SLC25A13: variants seen among roughly 807,000 people sequenced by gnomAD.
The protein encoded by SLC25A13 is solute carrier family 25 member 13.
In SLC25A13, 70 loss-of-function variants were observed where a neutral mutation model predicts 85.5. The ratio of observed to expected loss-of-function variants is 0.82; its 90% CI spans 0.68 to 1.00. The LOEUF (loss-of-function observed/expected upper bound fraction) is 1.00. Among genes scored for constraint, SLC25A13 ranks in the 50% least tolerant of loss-of-function variants. The pLI is 0.00. For synonymous variants in SLC25A13, 259 were observed against 288.7 expected (o/e 0.90, Z 1.04); for missense variants, 765 against 819.8 (o/e 0.93, Z 0.82).
chr7:96,307,347 T>G (rs915889734), intron 1 of SLC25A13, among the ~76,000 whole-genome samples: 2 of 152,158 alleles, frequency 1.3e-5, no homozygotes, highest in African/African-American at 4.8e-5. Context: ...GAAGAAATCT[T>G]GTTTAGAGAT....
intron 3 of SLC25A13, among the ~76,000 whole-genome samples, chr7:96,246,514 G>T (rs960335458): frequency 2.0e-5 from 3 of 151,984 alleles, no homozygotes; most frequent in Admixed American, 1.3e-4. Context: ...TGCATCTGCC[G>T]TTGATCAATT....
chr7:96,213,563 T>C (rs1230847952), intron 4 of SLC25A13, among the ~76,000 whole-genome samples: 1 of 152,094 alleles, frequency 6.6e-6, no homozygotes, highest in Non-Finnish European at 1.5e-5. Flanking sequence ...ACCCGTACCA[T>C]TCCCTGACCA....
Position 96,290,541 on chromosome 7 carries a change from CAG to C in SLC25A13, c.69+6355_69+6356del, listed in dbSNP as rs1310971804. On this transcript the variant is annotated intron_variant, in intron 2 of 17. Coordinates refer to ENST00000265631, the MANE Select transcript of SLC25A13 (RefSeq NM_014251.3). ...GTATTCAGCAAACCCATCTCACGTG[CAG>C]AGACACACATAGGCTCAAAATAAAG... Among the ~76,000 whole-genome samples, 5 of 149,018 alleles carry C rather than the reference CAG, an allele frequency of 3.4e-5. No individual in the cohort carries two copies. The East Asian group carries it at 9.8e-4, about 29-fold the overall frequency.
At chr7:96,168,453 A>G (rs1793863096) in intron 13 of SLC25A13, among the ~76,000 whole-genome samples, 2 of 152,190 alleles carry the variant, frequency 1.3e-5, no homozygotes, top group African/African-American at 4.8e-5. Context: ...TTACATAACT[A>G]GGCACCACTT....
intron 4 of SLC25A13, among the ~76,000 whole-genome samples, chr7:96,227,601 A>AT (rs1177266649): frequency 3.3e-5 from 5 of 152,202 alleles, no homozygotes; most frequent in African/African-American, 1.2e-4. Flanking sequence ...AGAATGGAGC[A>AT]TTCAGATACA....
At chr7:96,182,956 G>A (rs751640512) in intron 11 of SLC25A13, among the ~76,000 whole-genome samples, 5 of 152,102 alleles carry the variant, frequency 3.3e-5, no homozygotes, top group African/African-American at 7.2e-5. Context: ...CAGGTAAGGC[G>A]GCCAATTTTG....
chr7:96,309,180 C>G (rs1343900676), intron 1 of SLC25A13, among the ~76,000 whole-genome samples: 1 of 152,152 alleles, frequency 6.6e-6, no homozygotes, highest in Admixed American at 6.5e-5. Context: ...ATCTGATGAC[C>G]CAGGGTACTA....
intron 1 of SLC25A13, among the ~76,000 whole-genome samples, chr7:96,299,229 G>C (rs1799462549): frequency 6.6e-6 from 1 of 152,126 alleles, no homozygotes; most frequent in Non-Finnish European, 1.5e-5. Context: ...TAAGGATCCT[G>C]AAATGTATAT....
At chr7:96,123,450 A>C (rs952185842) in intron 15 of SLC25A13, among the ~76,000 whole-genome samples, 6 of 152,214 alleles carry the variant, frequency 3.9e-5, no homozygotes, top group African/African-American at 1.2e-4. Context: ...AAGACATACA[A>C]GCAATAAAAT....
intron 5 of SLC25A13, among the ~76,000 whole-genome samples, chr7:96,197,768 T>A (rs1263947143): frequency 6.6e-6 from 1 of 152,068 alleles, no homozygotes; most frequent in Non-Finnish European, 1.5e-5. Flanking sequence ...ATGAAGGGGA[T>A]CAGAAGTAAA....
chr7:96,202,341 C>T (rs971824279), intron 5 of SLC25A13, among the ~76,000 whole-genome samples: 1 of 152,114 alleles, frequency 6.6e-6, no homozygotes, highest in Non-Finnish European at 1.5e-5. Flanking sequence ...AAATGAGGAC[C>T]AGAGTAAAAC....
intron 4 of SLC25A13, among the ~76,000 whole-genome samples, chr7:96,231,018 C>T (rs1796521253): frequency 6.6e-6 from 1 of 151,770 alleles, no homozygotes; most frequent in Non-Finnish European, 1.5e-5. Context: ...GGCTGAGGCA[C>T]AATAATTACT....
At chr7:96,204,002 T>C (rs1480815179) in intron 5 of SLC25A13, among the ~76,000 whole-genome samples, 2 of 152,212 alleles carry the variant, frequency 1.3e-5, no homozygotes, top group Non-Finnish European at 2.9e-5. Context: ...CACACACCTG[T>C]CATCTGACTG....
At chr7:96,139,945 CTTTTTTTTTTTTTTTTTT>C (rs59749381) in intron 14 of SLC25A13, among the ~76,000 whole-genome samples, 2,973 of 86,734 alleles carry the variant, frequency 0.034, 137 homozygotes, top group African/African-American at 0.12. Flanking sequence ...GATTTCCATT[CTTTTTTTTTTTTTTTTTT>C]TTTTTTTTTT....
intron 4 of SLC25A13, among the ~76,000 whole-genome samples, chr7:96,229,898 G>A (rs373453149): frequency 1.3e-5 from 2 of 152,316 alleles, no homozygotes; most frequent in East Asian, 3.9e-4. Context: ...AAGTCAGTGA[G>A]ACCAAGAACC....
chr7:96,276,529 G>A (rs1489457045), intron 3 of SLC25A13, among the ~76,000 whole-genome samples: 1 of 152,140 alleles, frequency 6.6e-6, no homozygotes, highest in African/African-American at 2.4e-5. Context: ...AGGCTGAGGT[G>A]AGAGGATAGC....
intron 4 of SLC25A13, among the ~76,000 whole-genome samples, chr7:96,231,006 G>A (rs143888856): frequency 1.5e-3 from 231 of 152,272 alleles, no homozygotes; most frequent in Non-Finnish European, 2.9e-3. Flanking sequence ...AGCTACTTGG[G>A]AGGCTGAGGC....
At chr7:96,288,629 G>A (rs185540525) in intron 2 of SLC25A13, among the ~76,000 whole-genome samples, 22 of 152,298 alleles carry the variant, frequency 1.4e-4, no homozygotes, top group East Asian at 5.8e-4. Context: ...TATATCCTGC[G>A]CCTCGCTCGG....
rs961345892 is a variant in SLC25A13, at chr7:96,322,054, T to G, written c.-98A>C. Reference sequence around the variant, plus strand: ...CTTCTAGTCCCGGCGGCGGCGGCGGTGGGGGCGGCGATACGGCCAGGCAGC... The same window carrying G: ...CTTCTAGTCCCGGCGGCGGCGGCGGGGGGGGCGGCGATACGGCCAGGCAGC... On this transcript the variant is annotated 5_prime_UTR_variant, in exon 1 of 18. Transcript: ENST00000265631. 4 of 1,453,926 alleles carry G rather than the reference T, an allele frequency of 2.8e-6. No homozygotes were observed. The highest frequency in any genetic ancestry group is 2.7e-5 in the East Asian group (1 of 37,092). The allele number at this position is 1,453,926 out of a possible 1,614,324, so 90.1% of individuals were successfully genotyped here.
Sources: allele counts gnomAD v4.1 joint callset (sites outside exome capture counted in the v4.1 genomes callset), GRCh38; gene constraint gnomAD v4.1.1; transcripts MANE v1.5; gene names NCBI Gene and HGNC (gene_info 2026-07-23, HGNC 2026-07-21).